RSAD2: variants seen among roughly 807,000 people sequenced by gnomAD.
The protein encoded by RSAD2 is radical S-adenosyl methionine domain containing 2.
RSAD2 carries 38 observed loss-of-function variants against 37.7 expected under a neutral mutation model. That is an observed-to-expected ratio of 1.01 (90% CI 0.78 to 1.32). The LOEUF (loss-of-function observed/expected upper bound fraction) is 1.32, where lower values mean the gene tolerates loss of function less well. RSAD2 is among the 40% of genes most tolerant of loss of function. The pLI is 0.00. For missense variants in RSAD2, 428 were observed against 437.5 expected (o/e 0.98, Z 0.19); for synonymous variants, 163 against 157.4 (o/e 1.04, Z -0.27).
In RSAD2 at chr2:6,896,818, A is replaced by G. The variant is rs1663785021; in HGVS notation, c.*876A>G. On this transcript the variant is annotated 3_prime_UTR_variant, in exon 6 of 6. Transcript: ENST00000382040. ...CTTTCCATTTGATGATGGAGTTGAC[A>G]TGGAGGCAGTGCTTGCATTGCTTTG... The G allele has an allele frequency of 6.6e-6, 1 of 152,188 alleles. No individual in the cohort carries two copies. The highest frequency in any genetic ancestry group is 1.5e-5 in the Non-Finnish European group (1 of 68,066). The allele number at this position is 152,188 out of a possible 1,614,324, so 9.4% of individuals were successfully genotyped here.
intron 1 of RSAD2, among the ~76,000 whole-genome samples, chr2:6,868,542 A>G (rs1381668137): frequency 3.9e-5 from 6 of 152,244 alleles, no homozygotes; most frequent in African/African-American, 1.4e-4. Flanking sequence ...TCTGTAACCC[A>G]AATCCTAGGC....
rs1663779010 is a variant in RSAD2 at position 6,896,534 on chromosome 2, T to TTTG, written c.*594_*595insGTT. 1 of 148,386 alleles carries TTTG rather than the reference T, an allele frequency of 6.7e-6. No individual in the cohort carries two copies. The highest frequency in any genetic ancestry group is 1.5e-5 in the Non-Finnish European group (1 of 67,242). The allele number at this position is 148,386 out of a possible 1,614,324, so 9.2% of individuals were successfully genotyped here. ...AATTATTTCTGCTGGTTATAATGCTTTTTTTTTTTTGCCTTTATGCCATTG... is the reference window on the plus strand; with the variant it reads ...AATTATTTCTGCTGGTTATAATGCTTTTGTTTTTTTTTTGCCTTTATGCCATTG... On this transcript the variant is annotated 3_prime_UTR_variant, in exon 6 of 6. Coordinates refer to ENST00000382040, the MANE Select transcript of RSAD2 (RefSeq NM_080657.5).
chr2:6,889,042 T>C (rs1663577207), intron 3 of RSAD2, among the ~76,000 whole-genome samples: 1 of 152,214 alleles, frequency 6.6e-6, no homozygotes, highest in Admixed American at 6.5e-5. Flanking sequence ...CCCTCAATAT[T>C]GTTCCCCTTC....
chr2:6,895,674 G>T, intron 5 of RSAD2, 104 bp from the exon 6 acceptor site: 2 of 1,049,890 alleles, frequency 1.9e-6, no homozygotes, highest in African/African-American at 1.6e-5. Flanking sequence ...GATACCTGTC[G>T]ACATGACTGG....
Position 6,887,052 on chromosome 2 carries a change from G to A in RSAD2, c.626G>A (p.Arg209Lys), listed in dbSNP as rs769334243. ...NHVENLQKLR[R>K]WCRDYRVAFK... ...GTGGAAAACCTTCAAAAGCTGAGGA[G>A]GTGGTGTAGGGATTATAGAGTCGCT... Residue 209 changes from arginine (R) to lysine (K), a missense_variant, in exon 3 of 6, where the codon AGG becomes AAG. Arg to Lys is a conservative substitution (Grantham distance 26, BLOSUM62 2). Coordinates refer to ENST00000382040, the MANE Select transcript of RSAD2 (RefSeq NM_080657.5). The A allele has an allele frequency of 3.1e-5, 50 of 1,614,060 alleles. No individual in the cohort carries two copies. Among genetic ancestry groups the A allele is most frequent in the Middle Eastern group, 3.3e-4 (2 of 6,084 alleles).
At chr2:6,874,033 T>C (rs1389828013), upstream of RSAD2, among the ~76,000 whole-genome samples, 1 of 152,180 alleles carries the variant, frequency 6.6e-6, no homozygotes, top group Admixed American at 6.5e-5. Context: ...CGGGAGCAGG[T>C]CCTCATGAAT....
At chr2:6,880,306 T>C (rs1485848473) in intron 1 of RSAD2, among the ~76,000 whole-genome samples, 1 of 152,206 alleles carries the variant, frequency 6.6e-6, no homozygotes, top group Non-Finnish European at 1.5e-5. Context: ...GGCTTCTGGC[T>C]GAGTTAAGTC....
chr2:6,890,463 A>G (rs1663608224), intron 4 of RSAD2, 138 bp downstream of exon 4: 3 of 869,492 alleles, frequency 3.5e-6, no homozygotes, highest in Admixed American at 2.6e-5. Flanking sequence ...ATGCCATGTC[A>G]GGGCAGATAG....
At chr2:6,890,968 T>G (rs1247611569) in intron 4 of RSAD2, among the ~76,000 whole-genome samples, 1 of 152,002 alleles carries the variant, frequency 6.6e-6, no homozygotes, top group African/African-American at 2.4e-5. Flanking sequence ...ATAAGGAACC[T>G]CCTTATTAAT....
upstream of RSAD2, among the ~76,000 whole-genome samples, chr2:6,874,018 G>A (rs1287681493): frequency 1.3e-5 from 2 of 152,192 alleles, no homozygotes; most frequent in African/African-American, 4.8e-5. Context: ...GAAGTGATTG[G>A]ATCACGGGAG....
At chr2:6,883,569 T>C in intron 2 of RSAD2, 37 bp downstream of exon 2, 7 of 1,606,678 alleles carry the variant, frequency 4.4e-6, no homozygotes, top group Non-Finnish European at 6.0e-6. Flanking sequence ...TTATTGCTAT[T>C]GCTATTTTTA....
upstream of RSAD2, among the ~76,000 whole-genome samples, chr2:6,873,593 T>C (rs932782886): frequency 2.0e-5 from 3 of 152,210 alleles, no homozygotes; most frequent in Non-Finnish European, 4.4e-5. Flanking sequence ...AAACTGAACT[T>C]TAAAAAGTTC....
At chr2:6,885,247 A>G (rs1242214882) in intron 2 of RSAD2, among the ~76,000 whole-genome samples, 2 of 152,182 alleles carry the variant, frequency 1.3e-5, no homozygotes, top group Non-Finnish European at 2.9e-5. Context: ...GCAGTGAACT[A>G]TAGGGACATA....
intron 5 of RSAD2, 121 bp from the exon 6 acceptor site, chr2:6,895,657 T>G (rs1663759063): frequency 7.7e-6 from 7 of 912,342 alleles, no homozygotes; most frequent in Non-Finnish European, 1.1e-5. Context: ...AGCCACAGAT[T>G]TCAAAAGATA....
At chr2:6,889,502 A>C (rs1310187477) in intron 3 of RSAD2, among the ~76,000 whole-genome samples, 2 of 152,174 alleles carry the variant, frequency 1.3e-5, no homozygotes, top group Non-Finnish European at 2.9e-5. Flanking sequence ...GTGTAGAATC[A>C]TCCTTTCCAT....
In RSAD2 at chr2:6,877,807, G is replaced by A. The variant is rs1339289182; in HGVS notation, c.7G>A (p.Val3Met). Residue 3 changes from valine to methionine, a missense_variant, in exon 1 of 6, where the codon GTG (valine) becomes ATG (methionine). Transcript: ENST00000382040. MWVLTPAAFAGKL... is the reference protein window; with the variant it reads MWMLTPAAFAGKL... ...GCTCCAGGCATCTGCCACAATGTGG[G>A]TGCTTACACCTGCTGCTTTTGCTGG... is the stretch of plus-strand genomic sequence containing the variant. The A allele has an allele frequency of 6.2e-7, 1 of 1,613,136 alleles. No individual in the cohort carries two copies. The highest frequency in any genetic ancestry group is 8.5e-7 in the Non-Finnish European group (1 of 1,179,456).
intron 5 of RSAD2, among the ~76,000 whole-genome samples, chr2:6,895,020 G>A (rs188288066): frequency 2.0e-4 from 30 of 152,326 alleles, no homozygotes. Flanking sequence ...TTTACCAATT[G>A]AATAACATTT....
At chr2:6,876,158 A>G (rs1445276605), upstream of RSAD2, among the ~76,000 whole-genome samples, 1 of 152,208 alleles carries the variant, frequency 6.6e-6, no homozygotes, top group Non-Finnish European at 1.5e-5. Context: ...AGGCTAGCCA[A>G]ATCTCTGAAA....
intron 1 of RSAD2, among the ~76,000 whole-genome samples, chr2:6,882,980 T>C (rs1663445094): frequency 6.6e-6 from 1 of 152,238 alleles, no homozygotes; most frequent in East Asian, 1.9e-4. Context: ...GGGTGGGCGA[T>C]GCGGAATCCA....
Sources: allele counts gnomAD v4.1 joint callset (sites outside exome capture counted in the v4.1 genomes callset), GRCh38; gene constraint gnomAD v4.1.1; transcripts MANE v1.5; gene names NCBI Gene and HGNC (gene_info 2026-07-23, HGNC 2026-07-21).